Variants in ZG16 observed in about 807,000 individuals in gnomAD.
ZG16 encodes zymogen granule protein 16, also known as zymogen granule membrane protein 16.
ZG16 carries 9 observed loss-of-function variants against 15.6 expected under a neutral mutation model. The observed-to-expected ratio is 0.58, with a 90% confidence interval of 0.35 to 1.00. The LOEUF is 1.00. Ranked by LOEUF, ZG16 falls within the 50% of genes least tolerant of loss-of-function variation. The probability of loss-of-function intolerance (pLI) is 0.02; values close to 1 mark genes in which losing one functional copy is unlikely to be tolerated. For missense variants in ZG16, 174 were observed against 214.8 expected, an observed-to-expected ratio of 0.81 and a Z score of 1.19; for synonymous variants, 89 against 87.4, an observed-to-expected ratio of 1.02 and a Z score of -0.10.
In ZG16 at chr16:29,782,533, T is replaced by C. The variant is rs1898634854; in HGVS notation, c.*2114T>C. 1 of 152,174 alleles carries C rather than the reference T, an allele frequency of 6.6e-6. No homozygotes were observed. 9.4% of individuals were successfully genotyped at this position (152,174 alleles called of 1,614,324 possible). A position where few individuals can be genotyped will look rare whatever the true frequency, so the allele number is the denominator to read the frequency against. ...CAGTGTGTATGCAGGTCCTGAAAAG[T>C]TCAAGTCCCACCTGAAACGCAACAC... On this transcript the variant is annotated 3_prime_UTR_variant, in exon 4 of 4. Transcript: ENST00000400752.
intron 1 of ZG16, among the ~76,000 whole-genome samples, chr16:29,779,044 G>A: frequency 6.6e-6 from 1 of 152,170 alleles, no homozygotes; most frequent in Admixed American, 6.5e-5. Flanking sequence ...GCCAGACCAG[G>A]GAGAGCTGGA....
At chr16:29,778,583 C>T (rs1281856637) in intron 1 of ZG16, among the ~76,000 whole-genome samples, 4 of 151,774 alleles carry the variant, frequency 2.6e-5, no homozygotes, top group East Asian at 3.8e-4. Flanking sequence ...GAGCTGGTCC[C>T]GACTCCTTCT....
rs1232149808 is a variant in ZG16 at position 29,779,235 on chromosome 16, A to T, written c.-7-25A>T. Reference sequence around the variant, plus strand: ...TCAACAAGGAAGAAGGTGAATCTTCATTTGCTCTTTTCTTCCCACTCCAGC... The same window carrying T: ...TCAACAAGGAAGAAGGTGAATCTTCTTTTGCTCTTTTCTTCCCACTCCAGC... On this transcript the variant is annotated intron_variant, in intron 1 of 3. Transcript: ENST00000400752. 2.0e-6 allele frequency: 3 copies of T among 1,537,118 alleles called. No homozygotes were observed. The African/African-American group carries it at 4.1e-5, about 21-fold the overall frequency.
intron 1 of ZG16, 111 bp from the exon 2 acceptor site, chr16:29,779,149 A>C: frequency 9.5e-7 from 1 of 1,050,594 alleles, no homozygotes; most frequent in Non-Finnish European, 1.4e-6. Flanking sequence ...GCTAGGTCTA[A>C]GTTGAAGGAC....
At chr16:29,780,007 A>C (rs1898604332) in intron 3 of ZG16, 97 bp from the exon 4 acceptor site, 1 of 1,157,392 alleles carries the variant, frequency 8.6e-7, no homozygotes, top group Non-Finnish European at 1.2e-6. Context: ...AGGATCTTCC[A>C]GGGTTCACCC....
chr16:29,778,676 C>T (rs894543234), intron 1 of ZG16, among the ~76,000 whole-genome samples: 2 of 152,252 alleles, frequency 1.3e-5, no homozygotes, highest in African/African-American at 4.8e-5. Context: ...CAACTTTGCT[C>T]CCCAGGTAAC....
rs902692939 is a variant in ZG16, at chr16:29,779,787, G to A, written c.188+150G>A. On this transcript the variant is annotated intron_variant, in intron 3 of 3. Transcript: ENST00000400752. ...TGCCAGGGATTTAAACCATGCTCCA[G>A]GTACCAAGACCCCATCTCTACCGAA... 6.1e-6 allele frequency: 7 copies of A among 1,150,030 alleles called. No homozygotes were observed. In the African/African-American group the frequency reaches 6.2e-5, roughly 10 times the overall value. 71.2% of individuals were successfully genotyped at this position (1,150,030 alleles called of 1,614,324 possible). A position where few individuals can be genotyped will look rare whatever the true frequency, so the allele number is the denominator to read the frequency against.
chr16:29,779,974 C>G, intron 3 of ZG16, 130 bp from the exon 4 acceptor site: 20 of 894,194 alleles, frequency 2.2e-5, no homozygotes, highest in Non-Finnish European at 3.3e-5. Context: ...TCTTTGTTGG[C>G]AAAATGAGTT....
Position 29,780,281 on chromosome 16 carries a change from A to G in ZG16, c.366A>G (p.Lys122=). 1 of 1,537,474 alleles carries G rather than the reference A, an allele frequency of 6.5e-7. No individual in the cohort carries two copies. The highest frequency in any genetic ancestry group is 8.7e-7 in the Non-Finnish European group (1 of 1,146,970). Residue 122 remains lysine (K), a synonymous_variant, in exon 4 of 4, where the codon AAA becomes AAG. Transcript: ENST00000400752. The part of the protein sequence containing the change: ...TDKGRYLSFG[K]DSGTSFNAVP... ...AGGGCCGCTATCTGTCTTTTGGGAA[A>G]GACAGTGGCACAAGTTTCAATGCCG...
chr16:29,779,193 T>C (rs1350223328), intron 1 of ZG16, 67 bp from the exon 2 acceptor site: 12 of 1,488,646 alleles, frequency 8.1e-6, no homozygotes, highest in Non-Finnish European at 1.1e-5. Flanking sequence ...AGGTCAGGAG[T>C]GCCTGGGTCA....
chr16:29,779,732 T>C, intron 3 of ZG16, 95 bp downstream of exon 3: 1 of 1,429,220 alleles, frequency 7.0e-7, no homozygotes, highest in Non-Finnish European at 9.4e-7. Flanking sequence ...GGCCAGGAGT[T>C]CTAGCTCAGC....
intron 2 of ZG16, 70 bp downstream of exon 2, chr16:29,779,391 G>C (rs140259618): frequency 0.013 from 19,253 of 1,535,696 alleles, 154 homozygotes; most frequent in Non-Finnish European, 0.014. Flanking sequence ...TGTTGGCCAA[G>C]GCTTTTGGAG....
chr16:29,780,104 T>A lies in ZG16; in HGVS notation c.189T>A (p.Gly63=), dbSNP rs61743784. 4.0e-3 allele frequency: 6,155 copies of A among 1,535,052 alleles called. 219 individuals carry two copies. The African/African-American group carries it at 0.074, about 19-fold the overall frequency. The change falls in exon 4 of 4, where the codon GGT becomes GGA. Residue 63 remains glycine (G), a splice_region_variant and synonymous_variant. Transcript: ENST00000400752. The part of the protein sequence containing the change: ...RVRVNTYYIV[G]LQVRYGKVWS... ...CCTTCCTTCCTCCCCTCTTCCTCAG[T>A]CTTCAGGTGCGCTATGGCAAGGTGT...
intron 2 of ZG16, 82 bp from the exon 3 acceptor site, chr16:29,779,423 G>T: frequency 6.5e-7 from 1 of 1,534,900 alleles, no homozygotes; most frequent in South Asian, 1.2e-5. Context: ...GTGGGGAGCT[G>T]AGTTGTCGGA....
At chr16:29,779,988 G>T (rs1245595645) in intron 3 of ZG16, 116 bp from the exon 4 acceptor site, 1 of 1,008,076 alleles carries the variant, frequency 9.9e-7, no homozygotes, top group Admixed American at 2.9e-5. Flanking sequence ...ATGAGTTGAA[G>T]TTCCCTGTAG....
Position 29,780,219 on chromosome 16 carries a change from A to G in ZG16, c.304A>G (p.Lys102Glu). The change falls in exon 4 of 4, where the codon AAG (lysine) becomes GAG (glutamate). Residue 102 changes from lysine to glutamate, a missense_variant. Physicochemically the swap from Lys to Glu is moderately conservative, Grantham distance 56. Coordinates refer to ENST00000400752, the MANE Select transcript of ZG16 (RefSeq NM_152338.4). ...ESVIQVSGKY[K>E]WYLKKLVFVT... ...AGTGATCCAGGTTTCTGGGAAGTAC[A>G]AGTGGTACCTGAAGAAGCTGGTATT... 6.5e-7 allele frequency: 1 copy of G among 1,537,472 alleles called. No individual in the cohort carries two copies. The highest frequency in any genetic ancestry group is 8.7e-7 in the Non-Finnish European group (1 of 1,146,940).
chr16:29,779,402 G>A (rs189718791), intron 2 of ZG16, 81 bp downstream of exon 2: 45 of 1,535,242 alleles, frequency 2.9e-5, no homozygotes, highest in Admixed American at 3.9e-5. Context: ...GCTTTTGGAG[G>A]TTGGCTTGGG....
rs1288066910 is a variant in ZG16, at chr16:29,780,209, T to C, written c.294T>C (p.Ser98=). 1.3e-6 allele frequency: 2 copies of C among 1,537,316 alleles called. No homozygotes were observed. Among genetic ancestry groups the C allele is most frequent in the African/African-American group, 1.4e-5 (1 of 73,026 alleles). Residue 98 remains serine (S), a synonymous_variant, in exon 4 of 4, where the codon TCT becomes TCC. Transcript: ENST00000400752. ...LHPGESVIQV[S]GKYKWYLKKL... is the part of the protein sequence containing the mutation. Reference sequence around the variant, plus strand: ...CTGGGGAATCAGTGATCCAGGTTTCTGGGAAGTACAAGTGGTACCTGAAGA... The same window carrying C: ...CTGGGGAATCAGTGATCCAGGTTTCCGGGAAGTACAAGTGGTACCTGAAGA...
chr16:29,779,606 C>G lies in ZG16; in HGVS notation c.157C>G (p.Arg53Gly), dbSNP rs768594263. The change falls in exon 3 of 4, where the codon CGG (arginine) becomes GGG (glycine). Residue 53 changes from arginine (R) to glycine (G), a missense_variant. Physicochemically the swap from Arg to Gly is moderately radical, Grantham distance 125 (BLOSUM62 -2). Coordinates refer to ENST00000400752, the MANE Select transcript of ZG16 (RefSeq NM_152338.4). ...GTTGGACGGCCCCATCACCGCCCTC[C>G]GGGTCCGAGTCAACACATACTACAT... ...NQLDGPITALRVRVNTYYIVG... is the reference protein window; with the variant it reads ...NQLDGPITALGVRVNTYYIVG... 23 of 1,536,652 alleles carry G rather than the reference C, an allele frequency of 1.5e-5. No homozygotes were observed. Among genetic ancestry groups the G allele is most frequent in the Non-Finnish European group, 2.0e-5 (23 of 1,146,860 alleles).
Sources: gnomAD v4.1 joint callset for allele counts (sites outside exome capture counted in the v4.1 genomes callset) on GRCh38, gnomAD v4.1.1 for gene constraint, MANE v1.5 for transcripts, NCBI Gene and HGNC (gene_info 2026-07-23, HGNC 2026-07-21) for gene names.